Variants in DTWD2 observed in about 807,000 individuals in gnomAD.
The protein encoded by DTWD2 is DTW motif tRNA-uridine aminocarboxypropyltransferase 2.
In DTWD2, 39 loss-of-function variants were observed where a neutral mutation model predicts 31.8. The ratio of observed to expected loss-of-function variants is 1.22; its 90% CI spans 0.95 to 1.60. The LOEUF (loss-of-function observed/expected upper bound fraction) is 1.60. DTWD2 is among the 40% of genes most tolerant of loss of function. The pLI is 0.00. For synonymous variants in DTWD2, 180 were observed against 142.8 expected (o/e 1.26, Z -1.86); for missense variants, 515 against 381.5 (o/e 1.35, Z -2.92).
intron 1 of DTWD2, among the ~76,000 whole-genome samples, chr5:118,986,238 G>C (rs1000466869): frequency 2.6e-5 from 4 of 152,092 alleles, no homozygotes; most frequent in African/African-American, 7.2e-5. Context: ...GATAGGAAAG[G>C]TATTCTAAGA....
At chr5:118,863,230 A>T (rs1752306953) in intron 4 of DTWD2, among the ~76,000 whole-genome samples, 1 of 152,222 alleles carries the variant, frequency 6.6e-6, no homozygotes, top group African/African-American at 2.4e-5. Flanking sequence ...AAATTATAAA[A>T]ACAAATAGTT....
intron 1 of DTWD2, among the ~76,000 whole-genome samples, chr5:118,979,255 G>C (rs879269909): frequency 6.6e-6 from 1 of 152,142 alleles, no homozygotes; most frequent in Non-Finnish European, 1.5e-5. Context: ...AGTGAGCAAA[G>C]ACTGTGCCAC....
At chr5:118,983,970 C>T (rs769913809) in intron 1 of DTWD2, among the ~76,000 whole-genome samples, 14 of 151,750 alleles carry the variant, frequency 9.2e-5, no homozygotes, top group Non-Finnish European at 1.9e-4. Flanking sequence ...ACCAACAGGG[C>T]AGAAAACCTG....
chr5:118,889,769 A>T (rs1752940232), intron 4 of DTWD2, among the ~76,000 whole-genome samples: 1 of 152,150 alleles, frequency 6.6e-6, no homozygotes, highest in Admixed American at 6.5e-5. Context: ...CATTAGTGTG[A>T]TGTAAGAAAG....
intron 1 of DTWD2, among the ~76,000 whole-genome samples, chr5:118,965,188 G>A (rs1230443113): frequency 1.3e-5 from 2 of 151,530 alleles, no homozygotes; most frequent in East Asian, 2.0e-4. Context: ...GAGAAGTGAG[G>A]AGCCCCTCCG....
At chr5:118,900,340 A>G (rs575590712) in intron 4 of DTWD2, among the ~76,000 whole-genome samples, 1 of 152,334 alleles carries the variant, frequency 6.6e-6, no homozygotes, top group South Asian at 2.1e-4. Context: ...TAATTACATT[A>G]AATGCAAATA....
At chr5:118,939,325 T>A in intron 2 of DTWD2, 35 bp from the exon 3 acceptor site, 1 of 1,498,946 alleles carries the variant, frequency 6.7e-7, no homozygotes, top group Admixed American at 2.0e-5. Flanking sequence ...CATAGATTTT[T>A]ACTTAGATAT....
chr5:118,988,327 G>A lies in DTWD2; in HGVS notation c.185C>T (p.Pro62Leu), dbSNP rs762927710. 18 of 1,540,556 alleles carry A rather than the reference G, an allele frequency of 1.2e-5. No individual in the cohort carries two copies. In the South Asian group the frequency reaches 2.0e-4, roughly 17 times the overall value. The change falls in exon 1 of 6, where the codon CCG (proline) becomes CTG (leucine). Residue 62 changes from proline to leucine, a missense_variant. Transcript: ENST00000510708. ...ADGLWELPVE[P>L]AERRPECTRC... ...GGTGCACTCAGGCCTCCGCTCGGCC[G>A]GCTCCACCGGCAGCTCCCACAGCCC...
chr5:118,922,475 TA>T (rs1753724961), intron 4 of DTWD2, among the ~76,000 whole-genome samples: 1 of 152,184 alleles, frequency 6.6e-6, no homozygotes, highest in Admixed American at 6.5e-5. Flanking sequence ...GGTGGGGGTA[TA>T]TGCATATTGA....
At chr5:118,952,287 A>G (rs1020685808) in intron 1 of DTWD2, among the ~76,000 whole-genome samples, 3 of 152,140 alleles carry the variant, frequency 2.0e-5, no homozygotes, top group African/African-American at 7.2e-5. Context: ...ACCAAATGTC[A>G]CGCGCGTCCG....
chr5:118,900,971 C>T (rs1180498927), intron 4 of DTWD2, among the ~76,000 whole-genome samples: 2 of 150,942 alleles, frequency 1.3e-5, no homozygotes, highest in African/African-American at 4.9e-5. Context: ...ATTTCCTGCT[C>T]TACTTTTAGT....
Position 118,939,253 on chromosome 5 carries a change from G to A in DTWD2, c.347C>T (p.Ala116Val), listed in dbSNP as rs201395868. 1.2e-6 allele frequency: 2 copies of A among 1,600,612 alleles called. No individual in the cohort carries two copies. Among genetic ancestry groups the A allele is most frequent in the African/African-American group, 1.3e-5 (1 of 74,456 alleles). The change falls in exon 3 of 6, where the codon GCA becomes GTA. Residue 116 changes from alanine to valine, a missense_variant. Transcript: ENST00000510708. ...KVLRTVPLLA[A>V]CLPQDKCKVK... is the part of the protein sequence containing the mutation. ...TTTACACTTGTCCTGGGGGAGGCAT[G>A]CTGCTAGTAGAGGAACTGTACGCAA...
At chr5:118,961,321 T>C (rs1038276587) in intron 1 of DTWD2, among the ~76,000 whole-genome samples, 1 of 152,236 alleles carries the variant, frequency 6.6e-6, no homozygotes, top group African/African-American at 2.4e-5. Flanking sequence ...ATATAAAATA[T>C]AGCAAACAGC....
intron 1 of DTWD2, among the ~76,000 whole-genome samples, chr5:118,980,258 G>T (rs910605908): frequency 6.6e-6 from 1 of 152,162 alleles, no homozygotes; most frequent in African/African-American, 2.4e-5. Flanking sequence ...TAAGTTCAAG[G>T]TCCTTCAGCC....
At chr5:118,879,342 C>T (rs1752688620) in intron 4 of DTWD2, among the ~76,000 whole-genome samples, 1 of 152,250 alleles carries the variant, frequency 6.6e-6, no homozygotes. Flanking sequence ...TGCGGTGGCT[C>T]ATGCCTGTAA....
chr5:118,884,996 C>CA (rs36042211), intron 4 of DTWD2, among the ~76,000 whole-genome samples: 13,531 of 48,686 alleles, frequency 0.28, 1,247 homozygotes, highest in Non-Finnish European at 0.31. Context: ...ACTCCATCTC[C>CA]AAAAAAAAAA....
intron 1 of DTWD2, among the ~76,000 whole-genome samples, chr5:118,975,303 C>A (rs541189243): frequency 7.9e-5 from 12 of 151,892 alleles, no homozygotes; most frequent in African/African-American, 2.9e-4. Flanking sequence ...TCCTTTCTTC[C>A]GCTTGATCGA....
At chr5:118,956,483 C>T (rs1274660987) in intron 1 of DTWD2, among the ~76,000 whole-genome samples, 2 of 152,166 alleles carry the variant, frequency 1.3e-5, no homozygotes, top group African/African-American at 2.4e-5. Context: ...TAATGTGTAT[C>T]ACTCTGGGCA....
At chr5:118,864,193 T>C (rs1439597126) in intron 4 of DTWD2, among the ~76,000 whole-genome samples, 1 of 141,630 alleles carries the variant, frequency 7.1e-6, no homozygotes, top group Non-Finnish European at 1.5e-5. Context: ...TGGAATACTA[T>C]GCAGCCATAA....
Sources: gnomAD v4.1 joint callset for allele counts (sites outside exome capture counted in the v4.1 genomes callset) on GRCh38, gnomAD v4.1.1 for gene constraint, MANE v1.5 for transcripts, NCBI Gene and HGNC (gene_info 2026-07-23, HGNC 2026-07-21) for gene names.